FLRT3: variants seen among roughly 807,000 people sequenced by gnomAD.
FLRT3 encodes fibronectin leucine rich transmembrane protein 3.
FLRT3 carries 17 observed loss-of-function variants against 42.6 expected under a neutral mutation model. The ratio of observed to expected loss-of-function variants is 0.40; its 90% CI spans 0.27 to 0.60. FLRT3 has a LOEUF of 0.60. FLRT3 is among the 20% of genes least tolerant of loss of function. The pLI is 0.44. For missense variants in FLRT3, 635 were observed against 789.2 expected (o/e 0.80, Z 2.34); for synonymous variants, 279 against 286.4 (o/e 0.97, Z 0.26).
chr20:14,326,603 G>C lies in FLRT3; in HGVS notation c.904C>G (p.Leu302Val). 1 of 1,613,896 alleles carries C rather than the reference G, an allele frequency of 6.2e-7. No homozygotes were observed. The highest frequency in any genetic ancestry group is 8.5e-7 in the Non-Finnish European group (1 of 1,179,854). Reference sequence around the variant, plus strand: ...CCGCAATACCAGGGATTGTTGCGAAGAATCAGTTGTGTTATATTGTCCAAA... The same window carrying C: ...CCGCAATACCAGGGATTGTTGCGAACAATCAGTTGTGTTATATTGTCCAAA... ...DDLDNITQLI[L>V]RNNPWYCGCK... Residue 302 changes from leucine to valine, a missense_variant, in exon 3 of 3, where the codon CTT becomes GTT. Leu to Val is a conservative substitution (Grantham distance 32). Coordinates refer to ENST00000341420, the MANE Select transcript of FLRT3 (RefSeq NM_198391.3). This position sits in a 1 kb window ranked among gnomAD's most constrained non-coding sequence, Gnocchi z 5.5.
chr20:14,331,271 CAA>C (rs2082831692), intron 1 of FLRT3, among the ~76,000 whole-genome samples: 1 of 152,086 alleles, frequency 6.6e-6, no homozygotes, highest in Non-Finnish European at 1.5e-5. Context: ...AAGGCTCTAA[CAA>C]TATGTATTGA....
rs1314334342 is a variant in FLRT3, at chr20:14,337,421, G to A, written c.-264C>T. The A allele has an allele frequency of 2.3e-5, 8 of 354,532 alleles. No homozygotes were observed. Among genetic ancestry groups the A allele is most frequent in the Non-Finnish European group, 4.0e-5 (8 of 199,224 alleles). The allele number at this position is 354,532 out of a possible 1,614,324, so 22.0% of individuals were successfully genotyped here. A position where few individuals can be genotyped will look rare whatever the true frequency, so the allele number is the denominator to read the frequency against. ...ACACTTACCAGGAAGACGAGAAAAA[G>A]CAATCCTATATACACTGCCGCTATA... On this transcript the variant is annotated 5_prime_UTR_variant, in exon 1 of 3. Transcript: ENST00000341420.
chr20:14,331,158 A>G (rs1206193785), intron 1 of FLRT3, among the ~76,000 whole-genome samples: 2 of 152,136 alleles, frequency 1.3e-5, no homozygotes, highest in African/African-American at 2.4e-5. Flanking sequence ...CCCCTGAGTC[A>G]GGTCAGACCA....
Position 14,326,944 on chromosome 20 carries a change from G to C in FLRT3, c.563C>G (p.Ser188Cys). The C allele has an allele frequency of 6.2e-7, 1 of 1,613,728 alleles. No homozygotes were observed. The highest frequency in any genetic ancestry group is 8.5e-7 in the Non-Finnish European group (1 of 1,179,790). Residue 188 changes from serine to cysteine, a missense_variant, in exon 3 of 3, where the codon TCC becomes TGC. Transcript: ENST00000341420. This position sits in a 1 kb window ranked among gnomAD's most constrained non-coding sequence, Gnocchi z 5.5. ...TTGAAGAGATGGTGATGAAATAGTG[G>C]ATATGCGATTATCATCCAAGCGTAG... ...EELRLDDNRI[S>C]TISSPSLQGL...
chr20:14,331,363 T>C (rs964438144), intron 1 of FLRT3, among the ~76,000 whole-genome samples: 1 of 152,150 alleles, frequency 6.6e-6, no homozygotes, highest in Non-Finnish European at 1.5e-5. Flanking sequence ...TTATTTTACC[T>C]GTTTTACATT....
chr20:14,335,328 G>A (rs2082917256), intron 1 of FLRT3, among the ~76,000 whole-genome samples: 1 of 152,114 alleles, frequency 6.6e-6, no homozygotes, highest in African/African-American at 2.4e-5. Context: ...GAAGAAACTG[G>A]GGTAAAGATA....
At chr20:14,337,219 CTTACATTCAGCCATG>C (rs2082954398) in intron 1 of FLRT3, among the ~76,000 whole-genome samples, 170 bp downstream of exon 1, 1 of 152,204 alleles carries the variant, frequency 6.6e-6, no homozygotes, top group South Asian at 2.1e-4. Flanking sequence ...TAAGAAACTT[CTTACATTCAGCCATG>C]ATAGTGAAAT....
At chr20:14,335,489 G>T (rs2122637359) in intron 1 of FLRT3, among the ~76,000 whole-genome samples, 1 of 152,226 alleles carries the variant, frequency 6.6e-6, no homozygotes, top group South Asian at 2.1e-4. Context: ...CTATTTTGCT[G>T]CCACATTTAG....
Position 14,326,973 on chromosome 20 carries a change from T to C in FLRT3, c.534A>G (p.Glu178=). The change falls in exon 3 of 3, where the codon GAA becomes GAG. Residue 178 remains glutamate, a synonymous_variant. Coordinates refer to ENST00000341420, the MANE Select transcript of FLRT3 (RefSeq NM_198391.3). The surrounding 1 kb of genome is among the most constrained non-coding windows in gnomAD (Gnocchi z 5.5). ...TGCGATTATCATCCAAGCGTAGTTC[T>C]TCTATAGTCCTGGGCAAACCCCAGG... The part of the protein sequence containing the change: ...TIPWGLPRTI[E]ELRLDDNRIS... 2 of 1,613,780 alleles carry C rather than the reference T, an allele frequency of 1.2e-6. No homozygotes were observed. Among genetic ancestry groups the C allele is most frequent in the Non-Finnish European group, 1.7e-6 (2 of 1,179,786 alleles).
At chr20:14,332,067 G>A (rs2082852496) in intron 1 of FLRT3, among the ~76,000 whole-genome samples, 1 of 152,004 alleles carries the variant, frequency 6.6e-6, no homozygotes, top group Admixed American at 6.6e-5. Flanking sequence ...ATTTTTTAAT[G>A]GAATCATTAT....
In FLRT3 at chr20:14,337,403, C is replaced by A; in HGVS notation, c.-247+1G>T. Reference sequence around the variant, plus strand: ...TAAGAAAAAACATGGAAAACACTTACCAGGAAGACGAGAAAAAGCAATCCT... The same window carrying A: ...TAAGAAAAAACATGGAAAACACTTAACAGGAAGACGAGAAAAAGCAATCCT... On this transcript the variant is annotated splice_donor_variant, in intron 1 of 2. Transcript: ENST00000341420. LOFTEE classifies it low-confidence loss of function (5UTR_SPLICE). 21 of 290,986 alleles carry A rather than the reference C, an allele frequency of 7.2e-5. No individual in the cohort carries two copies. Among genetic ancestry groups the A allele is most frequent in the Non-Finnish European group, 1.0e-4 (16 of 159,420 alleles). The allele number at this position is 290,986 out of a possible 1,614,324, so 18.0% of individuals were successfully genotyped here.
intron 1 of FLRT3, among the ~76,000 whole-genome samples, chr20:14,332,630 C>T (rs750411037): frequency 6.6e-6 from 1 of 152,072 alleles, no homozygotes; most frequent in Non-Finnish European, 1.5e-5. Context: ...AATGATTTCT[C>T]TCACAGAATG....
intron 1 of FLRT3, among the ~76,000 whole-genome samples, chr20:14,334,262 T>C (rs1432698873): frequency 3.3e-5 from 5 of 152,210 alleles, no homozygotes; most frequent in African/African-American, 1.2e-4. Context: ...TTTAACCAAA[T>C]TGAGTGATGT....
chr20:14,325,539 G>A lies in FLRT3; in HGVS notation c.*18C>T. The A allele has an allele frequency of 6.3e-7, 1 of 1,592,722 alleles. No individual in the cohort carries two copies. Among genetic ancestry groups the A allele is most frequent in the Non-Finnish European group, 8.6e-7 (1 of 1,168,738 alleles). On this transcript the variant is annotated 3_prime_UTR_variant, in exon 3 of 3. Transcript: ENST00000341420. Reference sequence around the variant, plus strand: ...TTTAAAAAACCCAAAACACAAGTCTGCTGTGAGTCCTTCAGCATCATGAGT... The same window carrying A: ...TTTAAAAAACCCAAAACACAAGTCTACTGTGAGTCCTTCAGCATCATGAGT...
At position 14,325,692 on chromosome 20, in the gene FLRT3, C is replaced by T. The variant is rs766612204; in HGVS notation, c.1815G>A (p.Ser605=). 9 of 1,613,872 alleles carry T rather than the reference C, an allele frequency of 5.6e-6. No homozygotes were observed. Among genetic ancestry groups the T allele is most frequent in the South Asian group, 2.2e-5 (2 of 91,072 alleles). Residue 605 remains serine (S), a synonymous_variant, in exon 3 of 3, where the codon TCG becomes TCA. Coordinates refer to ENST00000341420, the MANE Select transcript of FLRT3 (RefSeq NM_198391.3). ...TGGTGTGTATTACAAACTCCTCCTT[C>T]GAGATGGGTTCATTGCTTATTGGTA... ...QMLPISNEPI[S]KEEFVIHTIF...
In FLRT3 at chr20:14,325,256, A is replaced by G. The variant is rs2082715435; in HGVS notation, c.*301T>C. On this transcript the variant is annotated 3_prime_UTR_variant, in exon 3 of 3. Transcript: ENST00000341420. ...CAGTCAACAAGTCATCTTACTCAGT[A>G]GAACACAAAGTAAATGGTTTATAAC... 1 of 219,384 alleles carries G rather than the reference A, an allele frequency of 4.6e-6. No individual in the cohort carries two copies. Among genetic ancestry groups the G allele is most frequent in the African/African-American group, 2.3e-5 (1 of 43,338 alleles). The allele number at this position is 219,384 out of a possible 1,614,324, so 13.6% of individuals were successfully genotyped here.
intron 2 of FLRT3, 41 bp from the exon 3 acceptor site, chr20:14,327,599 C>A: frequency 5.3e-6 from 7 of 1,315,658 alleles, no homozygotes; most frequent in Middle Eastern, 2.1e-4. Context: ...AACAATAAGG[C>A]CAGCATACTG....
chr20:14,336,320 T>A (rs187062949), intron 1 of FLRT3, among the ~76,000 whole-genome samples: 1 of 151,848 alleles, frequency 6.6e-6, no homozygotes, highest in East Asian at 1.9e-4. Flanking sequence ...GACTAAAAAT[T>A]GAAAAAAAAA....
chr20:14,336,247 TAATA>T (rs1479723817), intron 1 of FLRT3, among the ~76,000 whole-genome samples: 6 of 152,182 alleles, frequency 3.9e-5, no homozygotes, highest in Admixed American at 1.3e-4. Context: ...ACAGATTTAT[TAATA>T]GACAGATTTA....
Sources: gnomAD v4.1 joint callset for allele counts (sites outside exome capture counted in the v4.1 genomes callset) on GRCh38, gnomAD v4.1.1 for gene constraint, Gnocchi (gnomAD v3.1) non-coding constraint, MANE v1.5 for transcripts, NCBI Gene and HGNC (gene_info 2026-07-23, HGNC 2026-07-21) for gene names.